The following ARHGAP26 variants were observed in gnomAD, a reference collection of about 807,000 sequenced individuals.
ARHGAP26 encodes rho GTPase-activating protein 26.
A neutral mutation model predicts 104.8 loss-of-function variants in ARHGAP26; 38 were observed. The observed-to-expected ratio is 0.36, with a 90% CI of 0.28 to 0.48. The LOEUF (loss-of-function observed/expected upper bound fraction) is 0.48, where lower values mean the gene tolerates loss of function less well. Among genes scored for constraint, ARHGAP26 ranks in the 20% least tolerant of loss-of-function variants. The probability of loss-of-function intolerance (pLI) is 0.99; values close to 1 mark genes in which losing one functional copy is unlikely to be tolerated. For synonymous variants in ARHGAP26, 341 were observed against 340.0 expected, an observed-to-expected ratio of 1.00 and a Z score of -0.03; for missense variants, 704 against 947.9, an observed-to-expected ratio of 0.74 and a Z score of 3.38.
chr5:143,103,866 A>G (rs1793619512), intron 17 of ARHGAP26, among the ~76,000 whole-genome samples: 1 of 152,172 alleles, frequency 6.6e-6, no homozygotes, highest in South Asian at 2.1e-4. Context: ...TGGGTGCAGC[A>G]AACGACCATG....
chr5:143,041,741 A>AAAAAAT, intron 13 of ARHGAP26, 75 bp from the exon 14 acceptor site: 1 of 994,592 alleles, frequency 1.0e-6, no homozygotes, highest in South Asian at 1.6e-5. Context: ...AAAAAAAAAA[A>AAAAAAT]GTGCATTTGG....
intron 5 of ARHGAP26, among the ~76,000 whole-genome samples, chr5:142,888,722 A>G (rs1049882590): frequency 5.9e-5 from 9 of 152,202 alleles, no homozygotes; most frequent in African/African-American, 2.2e-4. Context: ...TAGTTTTTGA[A>G]TGGTAAAAAA....
At chr5:143,219,738 C>T (rs1367461287) in intron 22 of ARHGAP26, among the ~76,000 whole-genome samples, 1 of 152,212 alleles carries the variant, frequency 6.6e-6, no homozygotes, top group African/African-American at 2.4e-5. Flanking sequence ...TCCTAACTTC[C>T]TGTGAGCTAG....
intron 17 of ARHGAP26, among the ~76,000 whole-genome samples, chr5:143,079,055 T>C (rs549312464): frequency 3.3e-5 from 5 of 152,376 alleles, no homozygotes; most frequent in South Asian, 2.1e-4. Flanking sequence ...CTTTATCTTA[T>C]CATGTGTTTA....
rs154787 is a variant in ARHGAP26, at chr5:143,226,736, C to A, written c.*4290C>A. 0.58 allele frequency: 126,215 copies of A among 218,524 alleles called. 37,573 individuals are homozygous for A. Among genetic ancestry groups the A allele is most frequent in the East Asian group, 0.8 (11,954 of 14,916 alleles). The allele number at this position is 218,524 out of a possible 1,614,324, so 13.5% of individuals were successfully genotyped here. The stretch of plus-strand genomic sequence containing the variant: ...ATATGTGTTTTCTTATGTCAGACCA[C>A]ACTGTCTTTTTGAATATCAGTTCAT... On this transcript the variant is annotated 3_prime_UTR_variant, in exon 23 of 23. Transcript: ENST00000645722.
intron 1 of ARHGAP26, among the ~76,000 whole-genome samples, chr5:142,863,014 C>T (rs764152157): frequency 2.6e-5 from 4 of 151,940 alleles, no homozygotes; most frequent in Non-Finnish European, 5.9e-5. Flanking sequence ...CAGTATATAA[C>T]CTCACCATTA....
intron 11 of ARHGAP26, among the ~76,000 whole-genome samples, chr5:142,982,950 CTG>C (rs766294167): frequency 9.9e-5 from 15 of 152,194 alleles, no homozygotes; most frequent in Non-Finnish European, 1.3e-4. Context: ...CTGTCCACCT[CTG>C]ATAGCACATG....
intron 21 of ARHGAP26, among the ~76,000 whole-genome samples, chr5:143,212,466 G>A (rs1809624681): frequency 6.6e-6 from 1 of 152,018 alleles, no homozygotes; most frequent in South Asian, 2.1e-4. Context: ...CACAGGCAGT[G>A]CCCCTTGTCC....
At chr5:143,043,108 A>G (rs996052048) in intron 14 of ARHGAP26, among the ~76,000 whole-genome samples, 3 of 152,230 alleles carry the variant, frequency 2.0e-5, no homozygotes, top group Non-Finnish European at 4.4e-5. Flanking sequence ...TATCACAACC[A>G]AAATATTGGC....
At chr5:143,110,649 T>C (rs1794668960) in intron 17 of ARHGAP26, among the ~76,000 whole-genome samples, 1 of 152,196 alleles carries the variant, frequency 6.6e-6, no homozygotes, top group Non-Finnish European at 1.5e-5. Flanking sequence ...AAATCAATGA[T>C]AATGAATGTG....
chr5:142,900,901 G>A (rs1332004561), intron 6 of ARHGAP26, among the ~76,000 whole-genome samples: 2 of 152,148 alleles, frequency 1.3e-5, no homozygotes, highest in African/African-American at 2.4e-5. Context: ...TTCAGAAGCC[G>A]AAGTTAATGG....
intron 17 of ARHGAP26, among the ~76,000 whole-genome samples, chr5:143,090,340 T>C (rs1415872188): frequency 2.6e-5 from 4 of 152,258 alleles, no homozygotes; most frequent in Non-Finnish European, 5.9e-5. Flanking sequence ...CAATTGCTTT[T>C]GTTTAACGTG....
chr5:142,812,397 C>T (rs944710669), intron 1 of ARHGAP26, among the ~76,000 whole-genome samples: 2 of 151,218 alleles, frequency 1.3e-5, no homozygotes, highest in East Asian at 3.9e-4. Context: ...AGTGTAGTGG[C>T]GTAATCTTGG....
chr5:143,047,940 A>G (rs1211929338), intron 14 of ARHGAP26, among the ~76,000 whole-genome samples: 1 of 151,938 alleles, frequency 6.6e-6, no homozygotes, highest in Non-Finnish European at 1.5e-5. Context: ...CCTACCTCCC[A>G]GGTTCCAGTG....
chr5:143,133,659 A>G (rs145775701), intron 18 of ARHGAP26, among the ~76,000 whole-genome samples: 4 of 152,344 alleles, frequency 2.6e-5, no homozygotes, highest in East Asian at 3.9e-4. Context: ...AGTGGCTTCT[A>G]TTGAGCACAG....
At chr5:142,852,712 T>C (rs960345275) in intron 1 of ARHGAP26, among the ~76,000 whole-genome samples, 2 of 152,214 alleles carry the variant, frequency 1.3e-5, no homozygotes, top group African/African-American at 2.4e-5. Flanking sequence ...GGAAGGTTCT[T>C]TGATCCAGAG....
chr5:143,102,302 G>A (rs1793364797), intron 17 of ARHGAP26, among the ~76,000 whole-genome samples: 1 of 152,122 alleles, frequency 6.6e-6, no homozygotes, highest in African/African-American at 2.4e-5. Context: ...CCACTAGCAA[G>A]TACCAGAGTG....
In ARHGAP26 at chr5:142,871,677, A is replaced by G. The variant is rs966861052; in HGVS notation, c.155-1723A>G. 2.6e-5 allele frequency among the ~76,000 whole-genome samples: 4 copies of G among 152,038 alleles called. No homozygotes were observed. The highest frequency in any genetic ancestry group is 5.9e-5 in the Non-Finnish European group (4 of 68,002). Reference sequence around the variant, plus strand: ...GTAGCCTCCTCCTGCCTTCCTGCCCACGGTGTTCTGGCTTTTGGGTGCATC... The same window carrying G: ...GTAGCCTCCTCCTGCCTTCCTGCCCGCGGTGTTCTGGCTTTTGGGTGCATC... On this transcript the variant is annotated intron_variant, in intron 1 of 22. Transcript: ENST00000645722. This position sits in a 1 kb window ranked among gnomAD's most constrained non-coding sequence, Gnocchi z 4.1.
chr5:142,770,751 C>G lies in ARHGAP26; in HGVS notation c.-11C>G, dbSNP rs1755036381. On this transcript the variant is annotated 5_prime_UTR_variant, in exon 1 of 23. Transcript: ENST00000645722. ...CGGAGGCGCGCCCCCCGGCTGGGCG[C>G]CGCGCGCACCATGGGGCTCCCAGCG... 1 of 1,390,532 alleles carries G rather than the reference C, an allele frequency of 7.2e-7. No individual in the cohort carries two copies. The highest frequency in any genetic ancestry group is 9.4e-7 in the Non-Finnish European group (1 of 1,059,594). The allele number at this position is 1,390,532 out of a possible 1,614,324, so 86.1% of individuals were successfully genotyped here.
Sources: allele counts gnomAD v4.1 joint callset (sites outside exome capture counted in the v4.1 genomes callset), GRCh38; gene constraint gnomAD v4.1.1; non-coding constraint Gnocchi (gnomAD v3.1); transcripts MANE v1.5; gene names NCBI Gene and HGNC (gene_info 2026-07-23, HGNC 2026-07-21).